TCN2: variants seen among roughly 807,000 people sequenced by gnomAD.
TCN2 encodes transcobalamin-2.
In TCN2, 34 loss-of-function variants were observed where a neutral mutation model predicts 48.6. The ratio of observed to expected loss-of-function variants is 0.70; its 90% CI spans 0.53 to 0.93. TCN2 has a LOEUF of 0.93. TCN2 is among the 40% of genes least tolerant of loss of function. The probability of loss-of-function intolerance (pLI) is 0.00; values close to 1 mark genes in which losing one functional copy is unlikely to be tolerated. For synonymous variants in TCN2, 283 were observed against 212.5 expected, an observed-to-expected ratio of 1.33 and a Z score of -2.89; for missense variants, 652 against 526.1, an observed-to-expected ratio of 1.24 and a Z score of -2.34.
At chr22:30,610,837 C>T (rs1366112519) in intron 1 of TCN2, 34 bp from the exon 2 acceptor site, 1 of 1,612,872 alleles carries the variant, frequency 6.2e-7, no homozygotes, top group Non-Finnish European at 8.5e-7. Flanking sequence ...TGGCCTGGCC[C>T]TGTGACCTCA....
Position 30,611,055 on chromosome 22 carries a change from C to T in TCN2, c.249C>T (p.Cys83=), listed in dbSNP as rs151327362. Residue 83 remains cysteine (C), a synonymous_variant, in exon 2 of 9, where the codon TGC becomes TGT. Coordinates refer to ENST00000215838, the MANE Select transcript of TCN2 (RefSeq NM_000355.4). The stretch of plus-strand genomic sequence containing the variant: ...GCCTCAAGCTTGGTTACCAGCAGTG[C>T]CTCCTAGGGTATTGCCACACTCTCT... ...LHSLKLGYQQ[C]LLGSAFSEDD... is the part of the protein sequence containing the mutation. 2.0e-4 allele frequency: 321 copies of T among 1,613,986 alleles called. No individual in the cohort carries two copies. The highest frequency in any genetic ancestry group is 3.5e-4 in the African/African-American group (26 of 75,030).
At chr22:30,623,384 C>G (rs2087727431) in intron 8 of TCN2, 3 of 312,062 alleles carry the variant, frequency 9.6e-6, no homozygotes, top group South Asian at 9.3e-5. Flanking sequence ...TGGAGTTTCG[C>G]TCTTGTTGCC....
intron 3 of TCN2, among the ~76,000 whole-genome samples, chr22:30,613,943 G>A (rs1439378290): frequency 6.6e-6 from 1 of 152,074 alleles, no homozygotes; most frequent in East Asian, 1.9e-4. Context: ...ATCTGGACTG[G>A]CTTCCCTGCG....
chr22:30,621,337 C>T (rs141907664), intron 7 of TCN2, among the ~76,000 whole-genome samples: 2 of 152,200 alleles, frequency 1.3e-5, no homozygotes, highest in East Asian at 1.9e-4. Flanking sequence ...CTGCAACCAT[C>T]GATAACTTAG....
At chr22:30,617,179 A>G (rs1240755983) in intron 6 of TCN2, 151 bp from the exon 7 acceptor site, 2 of 1,069,090 alleles carry the variant, frequency 1.9e-6, no homozygotes, top group Non-Finnish European at 1.4e-6. Flanking sequence ...GATGGAAGCC[A>G]GGTTTCAGCT....
intron 2 of TCN2, 100 bp downstream of exon 2, chr22:30,611,163 T>G: frequency 6.9e-7 from 1 of 1,453,334 alleles, no homozygotes. Context: ...GGGCAGACCT[T>G]AGGCAAATTT....
At chr22:30,611,820 T>A (rs1438452440) in intron 2 of TCN2, among the ~76,000 whole-genome samples, 1 of 152,230 alleles carries the variant, frequency 6.6e-6, no homozygotes, top group Non-Finnish European at 1.5e-5. Context: ...AAGCAGCATC[T>A]TTGTGCTCCC....
intron 2 of TCN2, 41 bp downstream of exon 2, chr22:30,611,104 C>T (rs2087534240): frequency 1.2e-6 from 2 of 1,612,838 alleles, no homozygotes; most frequent in Non-Finnish European, 1.7e-6. Flanking sequence ...GCTCCACATA[C>T]TAAGAGATGG....
Position 30,607,259 on chromosome 22 carries a change from G to A in TCN2, c.-73G>A. ...TCGGAGCGGTGACCAGCTGTGGTCA[G>A]GAGAGCCTCAGCAGGGCCAGCCCCA... On this transcript the variant is annotated 5_prime_UTR_variant, in exon 1 of 9. Coordinates refer to ENST00000215838, the MANE Select transcript of TCN2 (RefSeq NM_000355.4). 6.5e-7 allele frequency: 1 copy of A among 1,536,252 alleles called. No homozygotes were observed. The highest frequency in any genetic ancestry group is 1.7e-5 in the Admixed American group (1 of 59,892).
intron 7 of TCN2, chr22:30,617,731 C>T: frequency 1.8e-6 from 1 of 552,716 alleles, no homozygotes. Context: ...GTTGGAATCC[C>T]AACTCTAACC....
At chr22:30,612,799 G>C in intron 2 of TCN2, 74 bp from the exon 3 acceptor site, 3 of 1,583,974 alleles carry the variant, frequency 1.9e-6, no homozygotes, top group Non-Finnish European at 2.6e-6. Context: ...TTTGTGATGC[G>C]GGTGGGGTGG....
chr22:30,617,090 C>A (rs949315068), intron 6 of TCN2, among the ~76,000 whole-genome samples: 1 of 151,140 alleles, frequency 6.6e-6, no homozygotes, highest in African/African-American at 2.4e-5. Context: ...GGGGCCTGAT[C>A]TTGGGTGGTG....
chr22:30,616,066 T>C (rs1014545460), intron 6 of TCN2, among the ~76,000 whole-genome samples: 3 of 143,806 alleles, frequency 2.1e-5, no homozygotes, highest in Admixed American at 1.3e-4. Flanking sequence ...GATGGATGGA[T>C]GGATGGATGA....
At chr22:30,626,264 T>C (rs1393731474) in intron 8 of TCN2, among the ~76,000 whole-genome samples, 196 bp from the exon 9 acceptor site, 1 of 151,976 alleles carries the variant, frequency 6.6e-6, no homozygotes, top group African/African-American at 2.4e-5. Context: ...CCAGATGAGG[T>C]CATGGCCTCA....
Position 30,615,374 on chromosome 22 carries a change from G to A in TCN2, c.654G>A (p.Arg218=). The A allele has an allele frequency of 6.2e-7, 1 of 1,614,124 alleles. No individual in the cohort carries two copies. ...ACTTCAACCCTGGTCGGAGACAACG[G>A]ATCACCATGGCCATCAGAACAGTGC... The part of the protein sequence containing the change: ...RSNFNPGRRQ[R]ITMAIRTVRE... The change falls in exon 5 of 9, where the codon CGG becomes CGA. Residue 218 remains arginine (R), a synonymous_variant. Coordinates refer to ENST00000215838, the MANE Select transcript of TCN2 (RefSeq NM_000355.4).
chr22:30,607,346 G>A lies in TCN2; in HGVS notation c.15G>A (p.Gly5=). 1.2e-6 allele frequency: 2 copies of A among 1,614,118 alleles called. No homozygotes were observed. The highest frequency in any genetic ancestry group is 8.5e-7 in the Non-Finnish European group (1 of 1,180,022). MRHL[G]AFLFLLGVLG... is the part of the protein sequence containing the mutation. ...CTGCTGCTGCCATGAGGCACCTTGGGGCCTTCCTCTTCCTTCTGGGGGTCC... is the reference window on the plus strand; with the variant it reads ...CTGCTGCTGCCATGAGGCACCTTGGAGCCTTCCTCTTCCTTCTGGGGGTCC... Residue 5 remains glycine, a synonymous_variant, in exon 1 of 9, where the codon GGG becomes GGA. Coordinates refer to ENST00000215838, the MANE Select transcript of TCN2 (RefSeq NM_000355.4).
intron 1 of TCN2, among the ~76,000 whole-genome samples, chr22:30,609,874 C>T (rs57392802): frequency 6.6e-6 from 1 of 152,124 alleles, no homozygotes; most frequent in East Asian, 1.9e-4. Flanking sequence ...AAAACAGACA[C>T]GAGGTTGTGG....
chr22:30,623,885 C>CACACATATATATGTATACATATATAT (rs2087751297), intron 8 of TCN2, among the ~76,000 whole-genome samples: 2 of 76,368 alleles, frequency 2.6e-5, no homozygotes, highest in East Asian at 3.0e-4. Context: ...CACATATATA[C>CACACATATATATGTATACATATATAT]ACACATATAT....
intron 1 of TCN2, chr22:30,610,358 T>A (rs955581011): frequency 2.2e-6 from 1 of 462,860 alleles, no homozygotes; most frequent in Admixed American, 2.4e-5. Flanking sequence ...GCATGTGGGC[T>A]GATGTTTTTG....
Sources: gnomAD v4.1 joint callset for allele counts (sites outside exome capture counted in the v4.1 genomes callset) on GRCh38, gnomAD v4.1.1 for gene constraint, MANE v1.5 for transcripts, NCBI Gene and HGNC (gene_info 2026-07-23, HGNC 2026-07-21) for gene names.